PLEKHG4B: variants seen among roughly 807,000 people sequenced by gnomAD.
PLEKHG4B encodes pleckstrin homology domain-containing family G member 4B.
PLEKHG4B carries 111 observed loss-of-function variants against 121.3 expected under a neutral mutation model. That is an observed-to-expected ratio of 0.92 (90% CI 0.78 to 1.07). The LOEUF is 1.07. PLEKHG4B is among the 50% of genes least tolerant of loss of function. The pLI, the probability that PLEKHG4B is intolerant of heterozygous loss-of-function variation, is 0.00. For missense variants in PLEKHG4B, 1,831 were observed against 1,757.8 expected, an observed-to-expected ratio of 1.04 and a Z score of -0.74; for synonymous variants, 738 against 725.0, an observed-to-expected ratio of 1.02 and a Z score of -0.29.
At chr5:160,801 C>G (rs1194830147) in intron 11 of PLEKHG4B, among the ~76,000 whole-genome samples, 1 of 152,026 alleles carries the variant, frequency 6.6e-6, no homozygotes, top group African/African-American at 2.4e-5. Flanking sequence ...AAGTTGGAGG[C>G]CAGGCTCCAG....
chr5:108,567 GGGTGTAGACAGACTGGGTGCAGATGGCT>G lies in PLEKHG4B; in HGVS notation c.46-4625_46-4598del, dbSNP rs1219521316. On this transcript the variant is annotated intron_variant, in intron 1 of 19. Transcript: ENST00000637938. ...GTAGACAGACTGGGTGCAGATGGCT[GGGTGTAGACAGACTGGGTGCAGATGGCT>G]GGTGTAGACAGACTGGGTGCAGATG... 4.8e-3 allele frequency among the ~76,000 whole-genome samples: 660 copies of G among 138,124 alleles called. 12 individuals are homozygous for G. The highest frequency in any genetic ancestry group is 0.029 in the East Asian group (135 of 4,710). The allele number at this position is 138,124 out of a possible 152,430, so 90.6% of individuals were successfully genotyped here.
intron 14 of PLEKHG4B, 78 bp from the exon 15 acceptor site, chr5:170,965 G>A: frequency 2.4e-6 from 3 of 1,247,306 alleles, no homozygotes; most frequent in South Asian, 1.4e-5. Context: ...GCAGTTCCAA[G>A]TCTGACCCGG....
Position 163,338 on chromosome 5 carries a change from C to T in PLEKHG4B, c.3266C>T (p.Pro1089Leu). ...MIKKTQSFEI[P>L]QPDSGPRDSC... is the part of the protein sequence containing the mutation. ...AAGAAAACGCAAAGTTTCGAGATAC[C>T]TCAGCCCGACAGTGGCCCCAGGGAC... The change falls in exon 13 of 20, where the codon CCT becomes CTT. Residue 1089 changes from proline to leucine, a missense_variant. Physicochemically the swap from Pro to Leu is moderately conservative, Grantham distance 98 (BLOSUM62 -3). Coordinates refer to ENST00000637938, the MANE Select transcript of PLEKHG4B (RefSeq NM_052909.5). 1.2e-6 allele frequency: 2 copies of T among 1,613,368 alleles called. No individual in the cohort carries two copies. Among genetic ancestry groups the T allele is most frequent in the Non-Finnish European group, 8.5e-7 (1 of 1,180,022 alleles).
chr5:167,955 T>C (rs1404212918), intron 13 of PLEKHG4B, among the ~76,000 whole-genome samples: 1 of 152,262 alleles, frequency 6.6e-6, no homozygotes, highest in African/African-American at 2.4e-5. Flanking sequence ...TGGGCCTCTA[T>C]GATCACAGCA....
At chr5:99,256 A>T (rs377012593) in intron 1 of PLEKHG4B, among the ~76,000 whole-genome samples, 3 of 138,594 alleles carry the variant, frequency 2.2e-5, no homozygotes, top group South Asian at 2.3e-4. Flanking sequence ...GAATTTGAGG[A>T]TCATCTTTTT....
intron 1 of PLEKHG4B, among the ~76,000 whole-genome samples, chr5:93,601 C>G (rs1013333821): frequency 6.6e-6 from 1 of 152,182 alleles, no homozygotes; most frequent in East Asian, 1.9e-4. Flanking sequence ...CAGGCTTGAC[C>G]CCGCAGGCAG....
At chr5:112,953 T>A (rs371643912) in intron 1 of PLEKHG4B, among the ~76,000 whole-genome samples, 1 of 152,120 alleles carries the variant, frequency 6.6e-6, no homozygotes, top group African/African-American at 2.4e-5. Flanking sequence ...GTGAGTGTTA[T>A]AGGAATGGCA....
intron 6 of PLEKHG4B, among the ~76,000 whole-genome samples, chr5:146,790 C>T (rs2126411552): frequency 6.6e-6 from 1 of 150,994 alleles, no homozygotes; most frequent in East Asian, 2.0e-4. Flanking sequence ...CACTTCTCTC[C>T]CCCACACTTT....
At chr5:136,116 CA>C (rs766175934) in intron 2 of PLEKHG4B, among the ~76,000 whole-genome samples, 2 of 152,076 alleles carry the variant, frequency 1.3e-5, no homozygotes, top group Non-Finnish European at 2.9e-5. Flanking sequence ...TGGATATCCA[CA>C]TGCAAAAGAA....
intron 1 of PLEKHG4B, among the ~76,000 whole-genome samples, chr5:106,717 G>A (rs1156968320): frequency 3.3e-5 from 5 of 152,206 alleles, no homozygotes; most frequent in Admixed American, 2.0e-4. Flanking sequence ...AGGTGTTGAC[G>A]TGAGAGCCGG....
At chr5:150,920 A>C (rs2126418037) in intron 6 of PLEKHG4B, among the ~76,000 whole-genome samples, 1 of 152,354 alleles carries the variant, frequency 6.6e-6, no homozygotes, top group South Asian at 2.1e-4. Context: ...TGATTGCCAA[A>C]AACTGGAAAC....
chr5:118,440 C>T (rs748615968), intron 2 of PLEKHG4B, among the ~76,000 whole-genome samples: 38 of 152,166 alleles, frequency 2.5e-4, no homozygotes, highest in Non-Finnish European at 5.0e-4. Context: ...GATCACTTTC[C>T]AAAGTTAACC....
At chr5:161,097 C>G (rs1047406021) in intron 11 of PLEKHG4B, among the ~76,000 whole-genome samples, 1 of 152,172 alleles carries the variant, frequency 6.6e-6, no homozygotes, top group Non-Finnish European at 1.5e-5. Flanking sequence ...TGCTGTTTAA[C>G]GACAACATGA....
intron 2 of PLEKHG4B, among the ~76,000 whole-genome samples, chr5:116,967 C>T (rs1432969846): frequency 1.3e-5 from 2 of 152,192 alleles, no homozygotes; most frequent in Non-Finnish European, 2.9e-5. Context: ...CCACTGCTTT[C>T]GCTGCGTCTG....
chr5:167,442 G>GA (rs11422879), intron 13 of PLEKHG4B, among the ~76,000 whole-genome samples: 81,472 of 148,230 alleles, frequency 0.55, 23,134 homozygotes, highest in Non-Finnish European at 0.61. Flanking sequence ...AATAATGGTA[G>GA]AAAAAAAATC....
At chr5:99,335 G>A (rs1273832493) in intron 1 of PLEKHG4B, among the ~76,000 whole-genome samples, 1 of 151,534 alleles carries the variant, frequency 6.6e-6, no homozygotes, top group African/African-American at 2.4e-5. Context: ...ACTTTAGGTA[G>A]TGTGGACGTC....
intron 2 of PLEKHG4B, among the ~76,000 whole-genome samples, chr5:116,017 A>T (rs1256627884): frequency 6.6e-6 from 1 of 152,212 alleles, no homozygotes; most frequent in Non-Finnish European, 1.5e-5. Context: ...CAGGAGGCCT[A>T]GCTTTTGGCC....
At chr5:94,097 A>G (rs1210024452) in intron 1 of PLEKHG4B, among the ~76,000 whole-genome samples, 1 of 152,208 alleles carries the variant, frequency 6.6e-6, no homozygotes, top group African/African-American at 2.4e-5. Flanking sequence ...TGAGGCTTCA[A>G]CACCTGCCCA....
At chr5:180,942 C>T (rs528241421) in intron 18 of PLEKHG4B, among the ~76,000 whole-genome samples, 1 of 152,372 alleles carries the variant, frequency 6.6e-6, no homozygotes, top group Admixed American at 6.5e-5. Context: ...CTCTGGAAAA[C>T]AATTCTTACT....
Sources: allele counts gnomAD v4.1 joint callset (sites outside exome capture counted in the v4.1 genomes callset), GRCh38; gene constraint gnomAD v4.1.1; transcripts MANE v1.5; gene names NCBI Gene and HGNC (gene_info 2026-07-23, HGNC 2026-07-21).